RIN2: variants seen among roughly 807,000 people sequenced by gnomAD.
RIN2 encodes the protein Ras and Rab interactor 2.
A neutral mutation model predicts 78.0 loss-of-function variants in RIN2; 36 were observed. The ratio of observed to expected loss-of-function variants is 0.46; its 90% CI spans 0.35 to 0.61. RIN2 has a LOEUF of 0.61. RIN2 is among the 20% of genes least tolerant of loss of function. The probability of loss-of-function intolerance (pLI) is 0.00; values close to 1 mark genes in which losing one functional copy is unlikely to be tolerated. For synonymous variants in RIN2, 466 were observed against 466.8 expected (o/e 1.00, Z 0.02); for missense variants, 1,087 against 1,159.7 (o/e 0.94, Z 0.91).
Position 19,956,723 on chromosome 20 carries a change from G to A in RIN2, c.267G>A (p.Arg89=). The change falls in exon 5 of 13, where the codon CGG becomes CGA. Residue 89 remains arginine, a synonymous_variant. Transcript: ENST00000255006. ...CCAACAGGCTCAGCATCTTGGACCG[G>A]CTCCTCCACACCCACCCCATATGGC... ...SLSNRLSILD[R]LLHTHPIWLQ... is the part of the protein sequence containing the mutation. The A allele has an allele frequency of 6.2e-7, 1 of 1,610,510 alleles. No individual in the cohort carries two copies. The highest frequency in any genetic ancestry group is 1.7e-5 in the Admixed American group (1 of 59,616).
In RIN2 at chr20:19,994,050, A is replaced by G. The variant is rs75873386; in HGVS notation, c.2200+1751A>G. ...CCCTTTCCCAGATTGGCCCAGGGCA[A>G]GGCCCTGTGTTGATGACTAATGGAC... On this transcript the variant is annotated intron_variant, in intron 11 of 12. Coordinates refer to ENST00000255006, the MANE Select transcript of RIN2 (RefSeq NM_018993.4). Among the ~76,000 whole-genome samples the G allele has an allele frequency of 3.3e-4, 50 of 152,338 alleles. 1 individual carries two copies. The East Asian group carries it at 9.6e-3, about 29-fold the overall frequency.
intron 2 of RIN2, among the ~76,000 whole-genome samples, chr20:19,842,414 G>A (rs868296355): frequency 2.0e-5 from 1 of 51,150 alleles, no homozygotes; most frequent in Non-Finnish European, 3.8e-5. Context: ...TTTTTTTTTT[G>A]TATTTTTAGT....
chr20:19,988,591 T>A (rs570863391), intron 9 of RIN2, among the ~76,000 whole-genome samples: 8 of 151,858 alleles, frequency 5.3e-5, no homozygotes, highest in Non-Finnish European at 1.2e-4. Flanking sequence ...AGCAGAGGAG[T>A]TATTATTATA....
At chr20:19,854,619 G>A (rs1291387537) in intron 2 of RIN2, among the ~76,000 whole-genome samples, 1 of 152,114 alleles carries the variant, frequency 6.6e-6, no homozygotes, top group East Asian at 1.9e-4. Context: ...TGGATTCCTA[G>A]GTATTTTGTT....
chr20:19,950,883 C>A lies in RIN2; in HGVS notation c.159-5732C>A, dbSNP rs199551. Among the ~76,000 whole-genome samples the A allele has an allele frequency of 8.0e-3, 1,001 of 125,362 alleles. 11 individuals are homozygous for A. Among genetic ancestry groups the A allele is most frequent in the African/African-American group, 0.027 (965 of 35,126 alleles). The allele number at this position is 125,362 out of a possible 152,430, so 82.2% of individuals were successfully genotyped here. On this transcript the variant is annotated intron_variant, in intron 4 of 12. Coordinates refer to ENST00000255006, the MANE Select transcript of RIN2 (RefSeq NM_018993.4). ...GGCACACCCCACTGTGCCTGGCTAA[C>A]CTTTTTTTTTTTTTTTCTTTTTTTG...
Position 19,829,682 on chromosome 20 carries a change from T to A in RIN2, c.-37+29935T>A, listed in dbSNP as rs187041390. On this transcript the variant is annotated intron_variant, in intron 2 of 12. Transcript: ENST00000255006. ...GAACAGAGTTCCCAAAGTCAAGGGA[T>A]GGATCAAGCAGTGGGGTTTAGGCTG... 5.2e-3 allele frequency among the ~76,000 whole-genome samples: 789 copies of A among 152,182 alleles called. 6 individuals carry two copies. Among genetic ancestry groups the A allele is most frequent in the Middle Eastern group, 0.02 (6 of 294 alleles).
chr20:19,824,131 C>G (rs2036013089), intron 2 of RIN2, among the ~76,000 whole-genome samples: 1 of 152,154 alleles, frequency 6.6e-6, no homozygotes, highest in South Asian at 2.1e-4. Context: ...GAGTGAGATC[C>G]TATTTCAGGA....
chr20:19,830,171 C>G (rs934169008), intron 2 of RIN2, among the ~76,000 whole-genome samples: 1 of 152,156 alleles, frequency 6.6e-6, no homozygotes, highest in African/African-American at 2.4e-5. Context: ...TTTAAAATAT[C>G]ATTTTTATGA....
intron 3 of RIN2, among the ~76,000 whole-genome samples, chr20:19,904,753 C>T (rs973516527): frequency 2.0e-5 from 3 of 152,130 alleles, no homozygotes; most frequent in Non-Finnish European, 2.9e-5. Context: ...GAGGGGAGTG[C>T]CACCTATGTG....
In RIN2 at chr20:19,975,071, C is replaced by T. The variant is rs758305998; in HGVS notation, c.1046C>T (p.Pro349Leu). Residue 349 changes from proline to leucine, a missense_variant, in exon 9 of 13, where the codon CCT becomes CTT. By Grantham distance (98) the Pro-to-Leu change is moderately conservative (BLOSUM62 -3). Around this residue, in one of 8 missense-constraint regions of RIN2, gnomAD observed 706 missense variants for 667.5 expected, o/e 1.06. Transcript: ENST00000255006. The surrounding 1 kb of genome is among the most constrained non-coding windows in gnomAD (Gnocchi z 4.9). The part of the protein sequence containing the change: ...NHNKHGNVAL[P>L]GTKPTPIPPP... ...AACAAACATGGGAACGTAGCTCTGCCTGGAACGAAACCAACTCCCATCCCT... is the reference window on the plus strand; with the variant it reads ...AACAAACATGGGAACGTAGCTCTGCTTGGAACGAAACCAACTCCCATCCCT... 9.3e-6 allele frequency: 15 copies of T among 1,613,458 alleles called. No homozygotes were observed. Among genetic ancestry groups the T allele is most frequent in the Middle Eastern group, 3.3e-4 (2 of 6,084 alleles).
intron 1 of RIN2, among the ~76,000 whole-genome samples, chr20:19,784,601 T>C (rs1209517748): frequency 6.6e-6 from 1 of 152,114 alleles, no homozygotes. Flanking sequence ...AAACCATTGT[T>C]TACACAAGCC....
intron 2 of RIN2, among the ~76,000 whole-genome samples, chr20:19,837,437 C>A (rs1440166809): frequency 6.6e-6 from 1 of 152,180 alleles, no homozygotes; most frequent in African/African-American, 2.4e-5. Flanking sequence ...GAGAAATAGT[C>A]TCTTGTTGTC....
In RIN2 at chr20:19,794,960, T is replaced by C. The variant is rs2035007779; in HGVS notation, c.-162-4662T>C. Among the ~76,000 whole-genome samples, 5 of 152,366 alleles carry C rather than the reference T, an allele frequency of 3.3e-5. No individual in the cohort carries two copies. The South Asian group carries it at 1.0e-3, about 32-fold the overall frequency. ...CTTAAAGGTAGAAACACTTCAGTTG[T>C]CTTTAGAGAAACTCTAGTTTGTTGA... On this transcript the variant is annotated intron_variant, in intron 1 of 12. Coordinates refer to ENST00000255006, the MANE Select transcript of RIN2 (RefSeq NM_018993.4).
chr20:19,990,807 C>T (rs1311785541), intron 10 of RIN2, among the ~76,000 whole-genome samples: 2 of 152,102 alleles, frequency 1.3e-5, no homozygotes, highest in Non-Finnish European at 2.9e-5. Context: ...GGGTTTGTGT[C>T]AATGACCTAT....
At chr20:19,991,164 T>A (rs1390152504) in intron 10 of RIN2, among the ~76,000 whole-genome samples, 1 of 152,200 alleles carries the variant, frequency 6.6e-6, no homozygotes, top group African/African-American at 2.4e-5. Context: ...TAGACAGGAA[T>A]GTGTGTGCAC....
chr20:19,833,059 G>A (rs34256661), intron 2 of RIN2, among the ~76,000 whole-genome samples: 8,467 of 152,050 alleles, frequency 0.056, 293 homozygotes, highest in South Asian at 0.16. Flanking sequence ...TCCTCCCCAC[G>A]GAAACCACAG....
At chr20:19,788,450 C>CAAAAAAAAAAAAAA (rs908072671) in intron 1 of RIN2, among the ~76,000 whole-genome samples, 3 of 103,518 alleles carry the variant, frequency 2.9e-5, no homozygotes, top group African/African-American at 1.2e-4. Flanking sequence ...AAAAAAAAAA[C>CAAAAAAAAAAAAAA]AACTAGCTAG....
chr20:19,880,770 A>G (rs2038004329), intron 2 of RIN2, among the ~76,000 whole-genome samples: 1 of 152,160 alleles, frequency 6.6e-6, no homozygotes, highest in Non-Finnish European at 1.5e-5. Flanking sequence ...GCACATACGT[A>G]CCAGGCAGCA....
chr20:19,781,095 C>G (rs2034486773), intron 1 of RIN2, among the ~76,000 whole-genome samples: 1 of 152,118 alleles, frequency 6.6e-6, no homozygotes, highest in South Asian at 2.1e-4. Context: ...TCATCTGGAA[C>G]ATATAGTTTA....
Sources: gnomAD v4.1 joint callset for allele counts (sites outside exome capture counted in the v4.1 genomes callset) on GRCh38, gnomAD v4.1.1 for gene constraint, gnomAD v4.1.1 regional missense constraint, Gnocchi (gnomAD v3.1) non-coding constraint, MANE v1.5 for transcripts, NCBI Gene and HGNC (gene_info 2026-07-23, HGNC 2026-07-21) for gene names.